Variants in AKAP6 observed in about 807,000 individuals in gnomAD.
AKAP6 encodes the protein A-kinase anchoring protein 6.
In AKAP6, 58 loss-of-function variants were observed where a neutral mutation model predicts 188.5. The observed-to-expected ratio is 0.31, with a 90% CI of 0.25 to 0.38. AKAP6 has a LOEUF of 0.38. Ranked by LOEUF, AKAP6 falls within the 10% of genes least tolerant of loss-of-function variation. The probability of loss-of-function intolerance (pLI) is 1.00; values close to 1 mark genes in which losing one functional copy is unlikely to be tolerated. For missense variants in AKAP6, 2,710 were observed against 2,740.0 expected (o/e 0.99, Z 0.24); for synonymous variants, 989 against 998.6 (o/e 0.99, Z 0.18).
chr14:32,453,076 G>T (rs1890991803), intron 2 of AKAP6, among the ~76,000 whole-genome samples: 1 of 152,178 alleles, frequency 6.6e-6, no homozygotes. Flanking sequence ...ATGGGAAAGA[G>T]AATCCTAGCT....
intron 7 of AKAP6, among the ~76,000 whole-genome samples, chr14:32,648,536 C>T (rs1888077162): frequency 6.6e-6 from 1 of 152,122 alleles, no homozygotes; most frequent in African/African-American, 2.4e-5. Flanking sequence ...AAAATGGTTT[C>T]CAATTGCCTA....
chr14:32,481,569 T>C (rs1879342409), intron 2 of AKAP6, among the ~76,000 whole-genome samples: 1 of 152,130 alleles, frequency 6.6e-6, no homozygotes, highest in Non-Finnish European at 1.5e-5. Context: ...ATTGCCCTTT[T>C]ATAAAACCGT....
chr14:32,436,369 C>A (rs533756729), intron 2 of AKAP6, among the ~76,000 whole-genome samples: 2 of 152,258 alleles, frequency 1.3e-5, no homozygotes, highest in Middle Eastern at 6.8e-3. Context: ...AGCTGTTAAT[C>A]CTCTCCCAAT....
intron 2 of AKAP6, among the ~76,000 whole-genome samples, chr14:32,512,468 C>T (rs1374927188): frequency 6.6e-6 from 1 of 152,142 alleles, no homozygotes; most frequent in Non-Finnish European, 1.5e-5. Context: ...AAAACTGAAG[C>T]ACTTTTGAGT....
chr14:32,761,608 C>G (rs572602253), intron 11 of AKAP6, among the ~76,000 whole-genome samples: 1 of 152,082 alleles, frequency 6.6e-6, no homozygotes, highest in Non-Finnish European at 1.5e-5. Flanking sequence ...TGAGTCAGGT[C>G]GCCTGTGTGT....
At chr14:32,486,578 A>G (rs932046315) in intron 2 of AKAP6, among the ~76,000 whole-genome samples, 1 of 152,244 alleles carries the variant, frequency 6.6e-6, no homozygotes, top group Admixed American at 6.5e-5. Flanking sequence ...CTTTGTAGCA[A>G]TTGTGAATGG....
In AKAP6 at chr14:32,358,825, G is replaced by A. The variant is rs144178085; in HGVS notation, c.-35+29417G>A. Among the ~76,000 whole-genome samples the A allele has an allele frequency of 3.3e-5, 5 of 152,232 alleles. No homozygotes were observed. The East Asian group carries it at 9.7e-4, about 29-fold the overall frequency. On this transcript the variant is annotated intron_variant, in intron 1 of 13. Coordinates refer to ENST00000280979, the MANE Select transcript of AKAP6 (RefSeq NM_004274.5). ...CTGCTAAGGGTCAATCATCATACAG[G>A]ATGTATTTTCAATATTAAGCAGATA...
chr14:32,749,839 T>G (rs957416315), intron 11 of AKAP6, among the ~76,000 whole-genome samples: 2 of 152,210 alleles, frequency 1.3e-5, no homozygotes, highest in Non-Finnish European at 2.9e-5. Context: ...AGGCCTAGCC[T>G]CTTCCTTTCT....
intron 1 of AKAP6, among the ~76,000 whole-genome samples, chr14:32,371,692 C>T (rs1888012020): frequency 6.6e-6 from 1 of 152,120 alleles, no homozygotes; most frequent in Non-Finnish European, 1.5e-5. Flanking sequence ...AGAAAAGCTT[C>T]ATGAAAAGGT....
chr14:32,804,935 C>T (rs569352442), intron 12 of AKAP6, among the ~76,000 whole-genome samples: 1 of 152,234 alleles, frequency 6.6e-6, no homozygotes, highest in East Asian at 1.9e-4. Flanking sequence ...TTTGCCCAAC[C>T]CCACAGGCAG....
At chr14:32,413,125 T>A (rs1052861486) in intron 1 of AKAP6, among the ~76,000 whole-genome samples, 31 of 151,418 alleles carry the variant, frequency 2.0e-4, no homozygotes, top group African/African-American at 6.8e-4. Flanking sequence ...AAGAATAGCA[T>A]CAGAAAGGTC....
chr14:32,386,456 C>CT (rs1888540192), intron 1 of AKAP6, among the ~76,000 whole-genome samples: 1 of 151,600 alleles, frequency 6.6e-6, no homozygotes, highest in South Asian at 2.1e-4. Context: ...AGGATTGTTT[C>CT]TTTTTTTCTT....
intron 2 of AKAP6, among the ~76,000 whole-genome samples, chr14:32,515,863 A>G (rs908679510): frequency 2.0e-5 from 3 of 152,242 alleles, no homozygotes; most frequent in African/African-American, 7.2e-5. Flanking sequence ...AGCAAAATAG[A>G]CAAAGTGCTT....
chr14:32,739,400 T>G (rs1018273269), intron 11 of AKAP6, among the ~76,000 whole-genome samples: 4 of 152,208 alleles, frequency 2.6e-5, no homozygotes, highest in African/African-American at 7.2e-5. Context: ...TTTTAGTTAT[T>G]TAAAAATATA....
At chr14:32,444,011 A>G (rs1165888156) in intron 2 of AKAP6, among the ~76,000 whole-genome samples, 5 of 152,206 alleles carry the variant, frequency 3.3e-5, no homozygotes, top group African/African-American at 7.2e-5. Context: ...GATGGGAGGT[A>G]TATACATATT....
intron 12 of AKAP6, among the ~76,000 whole-genome samples, chr14:32,818,510 T>G (rs911150975): frequency 1.2e-4 from 18 of 152,174 alleles, no homozygotes; most frequent in African/African-American, 4.3e-4. Flanking sequence ...ACTTGGGTTT[T>G]TTTTTTTTGT....
intron 9 of AKAP6, 96 bp downstream of exon 9, chr14:32,696,206 T>C (rs1890396826): frequency 1.4e-6 from 2 of 1,453,540 alleles, no homozygotes; most frequent in Non-Finnish European, 9.1e-7. Context: ...TCGTTCATTG[T>C]ATGTATCATG....
chr14:32,786,306 T>TTTTTTTTTTGTTTTTG (rs2033411465), intron 12 of AKAP6, among the ~76,000 whole-genome samples: 1 of 90,202 alleles, frequency 1.1e-5, no homozygotes, highest in Non-Finnish European at 2.4e-5. Context: ...ATCTTTTTTT[T>TTTTTTTTTTGTTTTTG]TTTTTTTTTT....
intron 8 of AKAP6, among the ~76,000 whole-genome samples, chr14:32,680,197 G>T (rs867060045): frequency 2.7e-4 from 41 of 152,290 alleles, no homozygotes; most frequent in African/African-American, 8.9e-4. Context: ...GCTCCTTGGG[G>T]TGCTGAAGGC....
Sources: gnomAD v4.1 joint callset for allele counts (sites outside exome capture counted in the v4.1 genomes callset) on GRCh38, gnomAD v4.1.1 for gene constraint, MANE v1.5 for transcripts, NCBI Gene and HGNC (gene_info 2026-07-23, HGNC 2026-07-21) for gene names.